TRAF7: variants seen among roughly 807,000 people sequenced by gnomAD.
The protein encoded by TRAF7 is E3 ubiquitin-protein ligase TRAF7.
A neutral mutation model predicts 89.3 loss-of-function variants in TRAF7; 45 were observed. The ratio of observed to expected loss-of-function variants is 0.50; its 90% confidence interval spans 0.40 to 0.65. The LOEUF (loss-of-function observed/expected upper bound fraction) is 0.65. Ranked by LOEUF, TRAF7 falls within the 30% of genes least tolerant of loss-of-function variation. The pLI is 0.00. For missense variants in TRAF7, 677 were observed against 918.1 expected (o/e 0.74, Z 3.39); for synonymous variants, 406 against 369.2 (o/e 1.10, Z -1.14).
Position 2,160,534 on chromosome 16 carries a change from G to C in TRAF7, c.-38-3349G>C, listed in dbSNP as rs1370692354. ...CGGTGTGGGTGGGCGGGAGGTGCTC[G>C]GGCAGGCGGTGTGGATGGGCGGGCG... On this transcript the variant is annotated intron_variant, in intron 1 of 20. Coordinates refer to ENST00000326181, the MANE Select transcript of TRAF7 (RefSeq NM_032271.3). Among the ~76,000 whole-genome samples, 9 of 130,370 alleles carry C rather than the reference G, an allele frequency of 6.9e-5. 1 individual carries two copies. Among genetic ancestry groups the C allele is most frequent in the Admixed American group, 6.7e-4 (9 of 13,414 alleles). The allele number at this position is 130,370 out of a possible 152,430, so 85.5% of individuals were successfully genotyped here. A position where few individuals can be genotyped will look rare whatever the true frequency, so the allele number is the denominator to read the frequency against.
chr16:2,170,549 C>A, intron 4 of TRAF7, 65 bp from the exon 5 acceptor site: 1 of 1,295,550 alleles, frequency 7.7e-7, no homozygotes, highest in Non-Finnish European at 1.1e-6. Context: ...CGGGCTGGGT[C>A]CTGTCCTCCC....
rs1555465465 is a variant in TRAF7 at position 2,162,228 on chromosome 16, GC to G, written c.-38-1653del. 1.1e-3 allele frequency among the ~76,000 whole-genome samples: 175 copies of G among 152,314 alleles called. 3 individuals are homozygous for G. Among genetic ancestry groups the G allele is most frequent in the Non-Finnish European group, 4.6e-4 (31 of 68,012 alleles). On this transcript the variant is annotated intron_variant, in intron 1 of 20. Coordinates refer to ENST00000326181, the MANE Select transcript of TRAF7 (RefSeq NM_032271.3). This position sits in a 1 kb window ranked among gnomAD's most constrained non-coding sequence, Gnocchi z 5.0. ...AGGTGGCATTGGAAGGGACAGGTGG[GC>G]CTGGGCAGCCTAGAGAATGGGAGAG... is the stretch of plus-strand genomic sequence containing the variant.
intron 2 of TRAF7, among the ~76,000 whole-genome samples, chr16:2,165,464 G>A (rs919166446): frequency 1.8e-4 from 23 of 130,440 alleles, no homozygotes; most frequent in Admixed American, 2.9e-4. Context: ...TGGCCTGGTC[G>A]CATGGTTAAG....
chr16:2,173,859 T>TTGGGGGCCCCCC, intron 12 of TRAF7, 23 bp downstream of exon 12: 1 of 1,246,244 alleles, frequency 8.0e-7, no homozygotes, highest in Non-Finnish European at 1.1e-6. Context: ...CCGCCGTGGC[T>TTGGGGGCCCCCC]CCCGCCCACC....
In TRAF7 at chr16:2,177,309, G is replaced by C. The variant is rs544546595; in HGVS notation, c.*735G>C. ...GGGGGACAGCTGGGCACGTCCACTC[G>C]CAGGGAAACACGGGGTGAGACAGCA... On this transcript the variant is annotated 3_prime_UTR_variant, in exon 21 of 21. Transcript: ENST00000326181. 1 of 234,712 alleles carries C rather than the reference G, an allele frequency of 4.3e-6. No individual in the cohort carries two copies. The highest frequency in any genetic ancestry group is 2.2e-5 in the African/African-American group (1 of 45,444). 14.5% of individuals were successfully genotyped at this position (234,712 alleles called of 1,614,324 possible). A position where few individuals can be genotyped will look rare whatever the true frequency, so the allele number is the denominator to read the frequency against.
At position 2,176,537 on chromosome 16, in the gene TRAF7, G is replaced by T. The variant is rs748253708; in HGVS notation, c.1999-23G>T. 1.9e-6 allele frequency: 3 copies of T among 1,613,320 alleles called. No homozygotes were observed. The East Asian group carries it at 6.7e-5, about 36-fold the overall frequency. Reference sequence around the variant, plus strand: ...GGGCAGCCGGCCGCAGGACATCCTGGTGAAGCAGCCCTTTCTCTGCAGGTT... The same window carrying T: ...GGGCAGCCGGCCGCAGGACATCCTGTTGAAGCAGCCCTTTCTCTGCAGGTT... On this transcript the variant is annotated intron_variant, in intron 20 of 20. Coordinates refer to ENST00000326181, the MANE Select transcript of TRAF7 (RefSeq NM_032271.3).
At chr16:2,164,046 A>G in intron 2 of TRAF7, 45 bp downstream of exon 2, 2 of 1,536,976 alleles carry the variant, frequency 1.3e-6, no homozygotes, top group Non-Finnish European at 1.8e-6. Flanking sequence ...CAGGACCCCC[A>G]GCATGCCCCA....
chr16:2,159,219 G>A lies in TRAF7; in HGVS notation c.-39+3361G>A, dbSNP rs1238545074. Among the ~76,000 whole-genome samples the A allele has an allele frequency of 6.6e-6, 1 of 152,166 alleles. No homozygotes were observed. The highest frequency in any genetic ancestry group is 1.9e-4 in the East Asian group (1 of 5,194). ...TGGAGGCTGAGTGGATGCAGTAGGA[G>A]CAGAGCTGGGGGAGGAGTTCAGAGG... On this transcript the variant is annotated intron_variant, in intron 1 of 20. Coordinates refer to ENST00000326181, the MANE Select transcript of TRAF7 (RefSeq NM_032271.3). The surrounding 1 kb of genome is among the most constrained non-coding windows in gnomAD (Gnocchi z 6.5).
rs559124340 is a variant in TRAF7 at position 2,173,683 on chromosome 16, G to A, written c.1087-105G>A. On this transcript the variant is annotated intron_variant, in intron 11 of 20. Transcript: ENST00000326181. Reference sequence around the variant, plus strand: ...GGTCTTGTGTGTGGCAGGGGCTGCTGTCACCCCTGCCCACCCCTGGCCCAG... The same window carrying A: ...GGTCTTGTGTGTGGCAGGGGCTGCTATCACCCCTGCCCACCCCTGGCCCAG... 3.4e-4 allele frequency: 531 copies of A among 1,577,616 alleles called. 1 individual carries two copies. In the African/African-American group the frequency reaches 6.4e-3, roughly 19 times the overall value.
chr16:2,164,248 G>C (rs899669888), intron 2 of TRAF7, among the ~76,000 whole-genome samples: 6 of 150,994 alleles, frequency 4.0e-5, no homozygotes, highest in South Asian at 2.1e-4. Flanking sequence ...GGTTAAGCGT[G>C]TGAGTGCTGC....
chr16:2,170,632 C>T lies in TRAF7; in HGVS notation c.250C>T (p.Arg84Cys), dbSNP rs373277405. 23 of 1,609,724 alleles carry T rather than the reference C, an allele frequency of 1.4e-5. No homozygotes were observed. Among genetic ancestry groups the T allele is most frequent in the Middle Eastern group, 1.7e-4 (1 of 6,058 alleles). ...EDSMPPISTPRRSDSAISVRS... is the reference protein window; with the variant it reads ...EDSMPPISTPCRSDSAISVRS... ...CACACAGCCCCCCATCAGCACTCCC[C>T]GCCGCTCCGACTCCGCCATCTCTGT... The change falls in exon 5 of 21, where the codon CGC becomes TGC. Residue 84 changes from arginine to cysteine, a missense_variant. Transcript: ENST00000326181.
intron 4 of TRAF7, among the ~76,000 whole-genome samples, chr16:2,169,071 C>T (rs181126324): frequency 6.6e-6 from 1 of 152,224 alleles, no homozygotes; most frequent in Non-Finnish European, 1.5e-5. Context: ...CCACAACCTC[C>T]GCCTCCCGGG....
Position 2,163,548 on chromosome 16 carries a change from TG to T in TRAF7, c.-38-333del. The T allele has an allele frequency of 3.5e-6, 1 of 286,546 alleles. No homozygotes were observed. Among genetic ancestry groups the T allele is most frequent in the Admixed American group, 5.0e-5 (1 of 20,146 alleles). The allele number at this position is 286,546 out of a possible 1,614,324, so 17.8% of individuals were successfully genotyped here. On this transcript the variant is annotated intron_variant, in intron 1 of 20. Transcript: ENST00000326181. The surrounding 1 kb of genome is among the most constrained non-coding windows in gnomAD (Gnocchi z 4.3). ...CAGGGACATTCAGCCTGGAGGTGAC[TG>T]GCTGTGACTCAGGACCCAGAGGAGT...
At position 2,176,698 on chromosome 16, in the gene TRAF7, C is replaced by A; in HGVS notation, c.*124C>A. 1.4e-6 allele frequency: 2 copies of A among 1,436,724 alleles called. No individual in the cohort carries two copies. The highest frequency in any genetic ancestry group is 9.6e-7 in the Non-Finnish European group (1 of 1,036,566). 89.0% of individuals were successfully genotyped at this position (1,436,724 alleles called of 1,614,324 possible). On this transcript the variant is annotated 3_prime_UTR_variant, in exon 21 of 21. Coordinates refer to ENST00000326181, the MANE Select transcript of TRAF7 (RefSeq NM_032271.3). ...GTGGGCATAGGTGGACAGGCTCTGG[C>A]AGCCGGGCAGTGCCCTCCCCGTCCC...
chr16:2,165,966 C>G, intron 3 of TRAF7, 30 bp downstream of exon 3: 14 of 1,613,618 alleles, frequency 8.7e-6, no homozygotes, highest in Non-Finnish European at 1.2e-5. Context: ...CCAGCCCAGG[C>G]TGGGAATAAC....
In TRAF7 at chr16:2,163,994, C is replaced by G; in HGVS notation, c.74C>G (p.Thr25Ser). ...GPSNLPTPDV[T>S]TGTRMETTFG... The stretch of plus-strand genomic sequence containing the variant: ...AGCAATCTTCCCACCCCAGACGTCA[C>G]CACAGGGGTAAGGGTGTGCCCCTCT... The change falls in exon 2 of 21, where the codon ACC becomes AGC. Residue 25 changes from threonine to serine, a missense_variant. Thr to Ser is a moderately conservative substitution (Grantham distance 58). Coordinates refer to ENST00000326181, the MANE Select transcript of TRAF7 (RefSeq NM_032271.3). The surrounding 1 kb of genome is among the most constrained non-coding windows in gnomAD (Gnocchi z 4.3). 1 of 1,611,540 alleles carries G rather than the reference C, an allele frequency of 6.2e-7. No homozygotes were observed. Among genetic ancestry groups the G allele is most frequent in the Non-Finnish European group, 8.5e-7 (1 of 1,179,174 alleles).
rs1355721163 is a variant in TRAF7, at chr16:2,175,964, G to C, written c.1746+11G>C. 1.2e-6 allele frequency: 2 copies of C among 1,613,020 alleles called. No individual in the cohort carries two copies. The highest frequency in any genetic ancestry group is 1.7e-6 in the Non-Finnish European group (2 of 1,179,902). ...GAGAACCTCATCCACGTAAGGCCTG[G>C]GCATCTGGGTGCAAGGCCAGACTGT... On this transcript the variant is annotated intron_variant, in intron 18 of 20. Coordinates refer to ENST00000326181, the MANE Select transcript of TRAF7 (RefSeq NM_032271.3).
chr16:2,167,803 G>A (rs2093092391), intron 3 of TRAF7, among the ~76,000 whole-genome samples: 1 of 152,084 alleles, frequency 6.6e-6, no homozygotes, highest in African/African-American at 2.4e-5. Context: ...CCCTGCCTGG[G>A]GTAGGCAGGG....
At position 2,159,476 on chromosome 16, in the gene TRAF7, G is replaced by T. The variant is rs1033490983; in HGVS notation, c.-39+3618G>T. Among the ~76,000 whole-genome samples, 2 of 152,230 alleles carry T rather than the reference G, an allele frequency of 1.3e-5. No individual in the cohort carries two copies. The highest frequency in any genetic ancestry group is 2.4e-5 in the African/African-American group (1 of 41,452). On this transcript the variant is annotated intron_variant, in intron 1 of 20. Transcript: ENST00000326181. This position sits in a 1 kb window ranked among gnomAD's most constrained non-coding sequence, Gnocchi z 6.5. The stretch of plus-strand genomic sequence containing the variant: ...TAAGGGACGTCAGGGAACAGCGGCG[G>T]AAGTGCGTGTGGCTTTGCTATGGCA...
Sources: allele counts gnomAD v4.1 joint callset (sites outside exome capture counted in the v4.1 genomes callset), GRCh38; gene constraint gnomAD v4.1.1; non-coding constraint Gnocchi (gnomAD v3.1); transcripts MANE v1.5; gene names NCBI Gene and HGNC (gene_info 2026-07-23, HGNC 2026-07-21).